The following ASCC3 variants were observed in gnomAD, a reference collection of about 807,000 sequenced individuals.
ASCC3 encodes the protein activating signal cointegrator 1 complex subunit 3.
Under a neutral mutation model 256.3 loss-of-function variants are expected in ASCC3, and 158 were observed. The ratio of observed to expected loss-of-function variants is 0.62; its 90% CI spans 0.54 to 0.70. ASCC3 has a LOEUF of 0.70. Ranked by LOEUF, ASCC3 falls within the 30% of genes least tolerant of loss-of-function variation. ASCC3 has a pLI of 0.00. For missense variants in ASCC3, 2,259 were observed against 2,626.0 expected, an observed-to-expected ratio of 0.86 and a Z score of 3.05; for synonymous variants, 948 against 883.4, an observed-to-expected ratio of 1.07 and a Z score of -1.30.
rs116843850 is a variant in ASCC3, at chr6:100,751,410, C to G, written c.1737+15155G>C. On this transcript the variant is annotated intron_variant, in intron 10 of 41. Transcript: ENST00000369162. ...AGGGTTCTTGAATTTCTGACAAATACGGTCATAAATAAGGAAAGACATCCC... is the reference window on the plus strand; with the variant it reads ...AGGGTTCTTGAATTTCTGACAAATAGGGTCATAAATAAGGAAAGACATCCC... 1.3e-4 allele frequency among the ~76,000 whole-genome samples: 19 copies of G among 151,938 alleles called. No individual in the cohort carries two copies. The South Asian group carries it at 4.0e-3, about 32-fold the overall frequency.
At chr6:100,584,930 A>G (rs963122513) in intron 36 of ASCC3, among the ~76,000 whole-genome samples, 12 of 152,192 alleles carry the variant, frequency 7.9e-5, no homozygotes, top group Middle Eastern at 3.4e-3. Context: ...TAGCTTGTAG[A>G]GTTTCTGCCG....
intron 14 of ASCC3, 79 bp downstream of exon 14, chr6:100,679,539 C>T: frequency 2.5e-6 from 4 of 1,589,800 alleles, no homozygotes; most frequent in Non-Finnish European, 3.4e-6. Context: ...GAAATTGAGA[C>T]CGTGGATCTT....
At chr6:100,663,996 G>T (rs918093329) in intron 14 of ASCC3, among the ~76,000 whole-genome samples, 5 of 152,096 alleles carry the variant, frequency 3.3e-5, no homozygotes, top group African/African-American at 7.2e-5. Context: ...CCAGAGGTGA[G>T]ATTTAGTATA....
rs187731781 is a variant in ASCC3 at position 100,606,704 on chromosome 6, G to A, written c.5044+36C>T. 24 of 1,569,606 alleles carry A rather than the reference G, an allele frequency of 1.5e-5. No homozygotes were observed. In the African/African-American group the frequency reaches 3.2e-4, roughly 21 times the overall value. ...ATTCAAATTTACTCAGGGTAAAATAGAGCTTCATGTATTTCTGTGAATTTA... is the reference window on the plus strand; with the variant it reads ...ATTCAAATTTACTCAGGGTAAAATAAAGCTTCATGTATTTCTGTGAATTTA... On this transcript the variant is annotated intron_variant, in intron 32 of 41. Coordinates refer to ENST00000369162, the MANE Select transcript of ASCC3 (RefSeq NM_006828.4).
intron 4 of ASCC3, among the ~76,000 whole-genome samples, chr6:100,829,623 C>A (rs1366121206): frequency 6.6e-6 from 1 of 152,166 alleles, no homozygotes; most frequent in African/African-American, 2.4e-5. Flanking sequence ...CTTGGCCAGC[C>A]CAGAAAGGGG....
intron 36 of ASCC3, among the ~76,000 whole-genome samples, chr6:100,551,640 T>A (rs188600099): frequency 1.8e-4 from 27 of 152,152 alleles, no homozygotes; most frequent in Middle Eastern, 3.4e-3. Context: ...CATATGCTTT[T>A]GGTAAGTAGG....
At chr6:100,736,637 C>G (rs970824040) in intron 10 of ASCC3, among the ~76,000 whole-genome samples, 2 of 152,144 alleles carry the variant, frequency 1.3e-5, no homozygotes, top group Non-Finnish European at 1.5e-5. Context: ...CAAAGAAGCA[C>G]ATTTACTACA....
At chr6:100,574,125 A>G (rs914091209) in intron 36 of ASCC3, among the ~76,000 whole-genome samples, 5 of 152,172 alleles carry the variant, frequency 3.3e-5, no homozygotes, top group Non-Finnish European at 7.4e-5. Context: ...GCTCTAGTAT[A>G]AATCTCCTTA....
chr6:100,838,213 G>T (rs979915611), intron 4 of ASCC3, among the ~76,000 whole-genome samples: 6 of 151,948 alleles, frequency 3.9e-5, no homozygotes, highest in Non-Finnish European at 8.8e-5. Context: ...TTTTAGATTT[G>T]CATGTGAAAT....
In ASCC3 at chr6:100,518,103, T is replaced by C. The variant is rs1201739731; in HGVS notation, c.5815A>G (p.Thr1939Ala). ...ATCAGGTTGGTGATATTCAGGACAGTCACCAGCCAGCCCTGGTTTGCAGCC... is the reference window on the plus strand; with the variant it reads ...ATCAGGTTGGTGATATTCAGGACAGCCACCAGCCAGCCCTGGTTTGCAGCC... ...DVAANQGWLV[T>A]VLNITNLIQM... is the part of the protein sequence containing the mutation. Residue 1939 changes from threonine to alanine, a missense_variant, in exon 38 of 42, where the codon ACT becomes GCT. Thr to Ala is a moderately conservative substitution (Grantham distance 58). Around this residue, in one of 2 missense-constraint regions of ASCC3, gnomAD observed 1,839 missense variants for 2,206.7 expected, o/e 0.83. Transcript: ENST00000369162. 1 of 1,613,616 alleles carries C rather than the reference T, an allele frequency of 6.2e-7. No homozygotes were observed. The highest frequency in any genetic ancestry group is 8.5e-7 in the Non-Finnish European group (1 of 1,179,716).
chr6:100,594,701 G>A (rs1347722310), intron 34 of ASCC3, among the ~76,000 whole-genome samples: 1 of 152,164 alleles, frequency 6.6e-6, no homozygotes, highest in Admixed American at 6.5e-5. Flanking sequence ...CAAAGGAAAT[G>A]AAATCAGTAT....
chr6:100,858,425 G>T, intron 3 of ASCC3: 1 of 341,166 alleles, frequency 2.9e-6, no homozygotes, highest in Non-Finnish European at 4.1e-6. Context: ...TAACTTTGTA[G>T]CATTAAGTAT....
chr6:100,600,205 G>GCACACA (rs56886686), intron 34 of ASCC3, among the ~76,000 whole-genome samples: 2,873 of 145,838 alleles, frequency 0.02, 72 homozygotes, highest in East Asian at 0.1. Flanking sequence ...ACATGCACAT[G>GCACACA]CACACACACA....
intron 4 of ASCC3, among the ~76,000 whole-genome samples, chr6:100,834,506 C>T (rs1408150855): frequency 6.6e-6 from 1 of 152,002 alleles, no homozygotes; most frequent in East Asian, 1.9e-4. Context: ...ATGATTAAAT[C>T]CCAAAACATA....
Position 100,715,470 on chromosome 6 carries a change from C to T in ASCC3, c.2143G>A (p.Gly715Arg), listed in dbSNP as rs1168358480. 1.2e-6 allele frequency: 2 copies of T among 1,610,000 alleles called. No individual in the cohort carries two copies. The highest frequency in any genetic ancestry group is 1.7e-6 in the Non-Finnish European group (2 of 1,177,258). The stretch of plus-strand genomic sequence containing the variant: ...AGATAAAATAAGTGTACCTGGTGTC[C>T]AGCCTTTACTTGCTTCAAAACATTT... ...YENVLKQVKA[G>R]HQVMVFVHAR... The change falls in exon 13 of 42, where the codon GGA (glycine) becomes AGA (arginine). Residue 715 changes from glycine to arginine, a missense_variant. Transcript: ENST00000369162.
intron 13 of ASCC3, among the ~76,000 whole-genome samples, chr6:100,693,548 A>G (rs1777936452): frequency 1.3e-5 from 2 of 152,188 alleles, no homozygotes; most frequent in African/African-American, 4.8e-5. Context: ...GAAACCATAT[A>G]GTACACCCAA....
intron 10 of ASCC3, among the ~76,000 whole-genome samples, chr6:100,754,795 A>G (rs905247200): frequency 2.0e-5 from 3 of 152,074 alleles, no homozygotes; most frequent in African/African-American, 7.2e-5. Context: ...ACCCAGTGGG[A>G]GGTAACTGAA....
At chr6:100,732,281 A>T (rs940550820) in intron 10 of ASCC3, among the ~76,000 whole-genome samples, 2 of 152,168 alleles carry the variant, frequency 1.3e-5, no homozygotes, top group African/African-American at 4.8e-5. Context: ...ACTCAAAATA[A>T]TAAAAATTTT....
chr6:100,576,826 T>A (rs920996213), intron 36 of ASCC3, among the ~76,000 whole-genome samples: 32 of 150,804 alleles, frequency 2.1e-4, no homozygotes, highest in Non-Finnish European at 4.4e-5. Context: ...GATGACAATA[T>A]CTAAAAACAT....
Sources: allele counts gnomAD v4.1 joint callset (sites outside exome capture counted in the v4.1 genomes callset), GRCh38; gene constraint gnomAD v4.1.1; regional missense constraint gnomAD v4.1.1; transcripts MANE v1.5; gene names NCBI Gene and HGNC (gene_info 2026-07-23, HGNC 2026-07-21).